The following KIAA1549 variants were observed in gnomAD, a reference collection of about 807,000 sequenced individuals.
The protein encoded by KIAA1549 is KIAA1549, also known as UPF0606 protein KIAA1549.
Under a neutral mutation model 156.4 loss-of-function variants are expected in KIAA1549, and 70 were observed. That is an observed-to-expected ratio of 0.45 (90% CI 0.37 to 0.55). The LOEUF is 0.55. Among genes scored for constraint, KIAA1549 ranks in the 20% least tolerant of loss-of-function variants. KIAA1549 has a pLI of 0.00. For missense variants in KIAA1549, 2,428 were observed against 2,540.9 expected (o/e 0.96, Z 0.96); for synonymous variants, 1,103 against 1,066.4 (o/e 1.03, Z -0.67).
intron 16 of KIAA1549, among the ~76,000 whole-genome samples, chr7:138,859,578 TTC>T (rs1490724262): frequency 6.6e-6 from 1 of 152,128 alleles, no homozygotes; most frequent in Non-Finnish European, 1.5e-5. Flanking sequence ...CAGCTGCCTT[TTC>T]CTCCCCAGAC....
At position 138,839,778 on chromosome 7, in the gene KIAA1549, CTTTTTTTTTTTTTTTT is replaced by C. The variant is rs763327649; in HGVS notation, c.5598+339_5598+354del. On this transcript the variant is annotated intron_variant, in intron 19 of 19. Transcript: ENST00000422774. ...AAGCTGCTAAATTGAGGGATTATGT[CTTTTTTTTTTTTTTTT>C]TTTTTTTTTTTTTGAGACAGTCTCA... Among the ~76,000 whole-genome samples the C allele has an allele frequency of 8.0e-4, 49 of 61,362 alleles. No individual in the cohort carries two copies. The East Asian group carries it at 0.025, about 31-fold the overall frequency. The allele number at this position is 61,362 out of a possible 152,430, so 40.3% of individuals were successfully genotyped here. A position where few individuals can be genotyped will look rare whatever the true frequency, so the allele number is the denominator to read the frequency against.
chr7:138,877,358 GTGGTATACGTC>G (rs1476882386), intron 12 of KIAA1549, among the ~76,000 whole-genome samples: 1 of 152,138 alleles, frequency 6.6e-6, no homozygotes, highest in Non-Finnish European at 1.5e-5. Flanking sequence ...GCCAGGTGTG[GTGGTATACGTC>G]TGTAATCCCA....
chr7:138,874,049 T>C (rs1007535775), intron 12 of KIAA1549, among the ~76,000 whole-genome samples: 4 of 148,170 alleles, frequency 2.7e-5, no homozygotes. Flanking sequence ...AATATATTAC[T>C]ATTAGTAATT....
chr7:138,972,030 C>A (rs929781835), intron 1 of KIAA1549, among the ~76,000 whole-genome samples: 4 of 152,100 alleles, frequency 2.6e-5, no homozygotes, highest in African/African-American at 7.2e-5. Context: ...TCGTGACAGT[C>A]ACCTGGAGAA....
chr7:138,936,207 G>A (rs1024637018), intron 1 of KIAA1549, among the ~76,000 whole-genome samples: 4 of 152,296 alleles, frequency 2.6e-5, no homozygotes, highest in Middle Eastern at 3.4e-3. Flanking sequence ...TCAGCAGCCA[G>A]TGGAATGGAT....
At chr7:138,867,297 G>A (rs569498085) in intron 15 of KIAA1549, among the ~76,000 whole-genome samples, 78 of 152,252 alleles carry the variant, frequency 5.1e-4, no homozygotes, top group African/African-American at 1.9e-3. Flanking sequence ...CCTCATACCT[G>A]TAATCCTAGC....
chr7:138,922,178 ACGT>A (rs1466620677), intron 1 of KIAA1549, among the ~76,000 whole-genome samples: 2 of 152,216 alleles, frequency 1.3e-5, no homozygotes, highest in African/African-American at 4.8e-5. Context: ...ATTGTACGAA[ACGT>A]CATCCCGAGT....
chr7:138,963,272 A>T (rs1813909232), intron 1 of KIAA1549, among the ~76,000 whole-genome samples: 1 of 152,250 alleles, frequency 6.6e-6, no homozygotes, highest in African/African-American at 2.4e-5. Flanking sequence ...GACAAGATGC[A>T]AAAGGTGCAG....
At chr7:138,844,228 CA>C in intron 18 of KIAA1549, 88 bp downstream of exon 18, 3 of 1,460,548 alleles carry the variant, frequency 2.1e-6, no homozygotes, top group Non-Finnish European at 2.8e-6. Context: ...GAGGCCTCTG[CA>C]CACTGACACT....
chr7:138,964,957 G>GC (rs1268773142), intron 1 of KIAA1549, among the ~76,000 whole-genome samples: 3 of 149,392 alleles, frequency 2.0e-5, no homozygotes, highest in African/African-American at 7.4e-5. Flanking sequence ...TTTTTTCTTT[G>GC]TTTTTTTTTC....
chr7:138,845,984 T>C (rs1377666919), intron 17 of KIAA1549, among the ~76,000 whole-genome samples: 2 of 152,156 alleles, frequency 1.3e-5, no homozygotes, highest in Admixed American at 1.3e-4. Flanking sequence ...ACTCAAACAA[T>C]GGGAGCAAGG....
intron 16 of KIAA1549, among the ~76,000 whole-genome samples, chr7:138,852,885 T>C (rs1810276158): frequency 6.6e-6 from 1 of 152,272 alleles, no homozygotes; most frequent in African/African-American, 2.4e-5. Flanking sequence ...TTTTCTGCCC[T>C]TAAGTTCCAT....
intron 7 of KIAA1549, among the ~76,000 whole-genome samples, chr7:138,904,699 T>C (rs1261776723): frequency 1.4e-5 from 2 of 145,268 alleles, no homozygotes; most frequent in Non-Finnish European, 3.0e-5. Flanking sequence ...ATAACACTTT[T>C]AGAAAAAAAA....
In KIAA1549 at chr7:138,950,029, C is replaced by T. The variant is rs114506166; in HGVS notation, c.188-30591G>A. 8.1e-3 allele frequency among the ~76,000 whole-genome samples: 1,241 copies of T among 152,290 alleles called. 23 individuals carry two copies. Among genetic ancestry groups the T allele is most frequent in the African/African-American group, 0.029 (1,193 of 41,560 alleles). ...ATCCCAGCACCATGAGCTAACACTT[C>T]GTGGTCTCCATTGTGTTAAAACGTG... On this transcript the variant is annotated intron_variant, in intron 1 of 19. Coordinates refer to ENST00000422774, the MANE Select transcript of KIAA1549 (RefSeq NM_001164665.2).
intron 1 of KIAA1549, among the ~76,000 whole-genome samples, chr7:138,926,362 C>A (rs981438471): frequency 6.6e-6 from 1 of 152,072 alleles, no homozygotes; most frequent in African/African-American, 2.4e-5. Context: ...TCTCGGCTCA[C>A]TGAAATCTCT....
chr7:138,950,959 T>C lies in KIAA1549; in HGVS notation c.187+30124A>G, dbSNP rs1477943382. Among the ~76,000 whole-genome samples the C allele has an allele frequency of 2.0e-5, 3 of 152,194 alleles. No individual in the cohort carries two copies. In the East Asian group the frequency reaches 5.8e-4, roughly 29 times the overall value. Reference sequence around the variant, plus strand: ...GGTCCCCGACCACCTCGCCCTCACCTCGGCCCAGCTGTCACCAGTTACCTC... The same window carrying C: ...GGTCCCCGACCACCTCGCCCTCACCCCGGCCCAGCTGTCACCAGTTACCTC... On this transcript the variant is annotated intron_variant, in intron 1 of 19. Coordinates refer to ENST00000422774, the MANE Select transcript of KIAA1549 (RefSeq NM_001164665.2).
At chr7:138,960,061 C>T (rs921050042) in intron 1 of KIAA1549, among the ~76,000 whole-genome samples, 5 of 152,164 alleles carry the variant, frequency 3.3e-5, no homozygotes, top group South Asian at 2.1e-4. Flanking sequence ...AAAGGCTGAC[C>T]GGGCCACTGA....
At position 138,906,822 on chromosome 7, in the gene KIAA1549, C is replaced by T. The variant is rs1812017389; in HGVS notation, c.3460+97G>A. ...TATGGAAAAATAATTTTTAAAAAATCAAGTCTTTTAAAAAACTAAAAAAAT... is the reference window on the plus strand; with the variant it reads ...TATGGAAAAATAATTTTTAAAAAATTAAGTCTTTTAAAAAACTAAAAAAAT... On this transcript the variant is annotated intron_variant, in intron 6 of 19. Transcript: ENST00000422774. 10 of 918,772 alleles carry T rather than the reference C, an allele frequency of 1.1e-5. No individual in the cohort carries two copies. The South Asian group carries it at 2.3e-4, about 21-fold the overall frequency. 56.9% of individuals were successfully genotyped at this position (918,772 alleles called of 1,614,324 possible).
chr7:138,912,253 C>T (rs1050195261), intron 3 of KIAA1549, 119 bp downstream of exon 3: 7 of 754,476 alleles, frequency 9.3e-6, no homozygotes, highest in Non-Finnish European at 1.6e-5. Flanking sequence ...CAGGAACAGA[C>T]AAGAGGGAAG....
Sources: gnomAD v4.1 joint callset for allele counts (sites outside exome capture counted in the v4.1 genomes callset) on GRCh38, gnomAD v4.1.1 for gene constraint, MANE v1.5 for transcripts, NCBI Gene and HGNC (gene_info 2026-07-23, HGNC 2026-07-21) for gene names.